The following ATP13A4 variants were observed in gnomAD, a reference collection of about 807,000 sequenced individuals.
ATP13A4 encodes probable cation-transporting ATPase 13A4.
A neutral mutation model predicts 142.5 loss-of-function variants in ATP13A4; 114 were observed. The observed-to-expected ratio is 0.80, with a 90% CI of 0.69 to 0.93. The LOEUF (loss-of-function observed/expected upper bound fraction) is 0.93. ATP13A4 is among the 40% of genes least tolerant of loss of function. The probability of loss-of-function intolerance (pLI) is 0.00; values close to 1 mark genes in which losing one functional copy is unlikely to be tolerated. For synonymous variants in ATP13A4, 488 were observed against 514.8 expected (o/e 0.95, Z 0.70); for missense variants, 1,392 against 1,454.0 (o/e 0.96, Z 0.69).
At chr3:193,414,172 T>C (rs1714926665) in intron 26 of ATP13A4, among the ~76,000 whole-genome samples, 1 of 152,216 alleles carries the variant, frequency 6.6e-6, no homozygotes, top group Admixed American at 6.5e-5. Context: ...AAATCTCTGA[T>C]AATTTGTAAG....
At chr3:193,514,150 A>G (rs988095862) in intron 2 of ATP13A4, among the ~76,000 whole-genome samples, 4 of 152,176 alleles carry the variant, frequency 2.6e-5, no homozygotes, top group Non-Finnish European at 5.9e-5. Flanking sequence ...AACTTGCTTC[A>G]TGGGGGTTTG....
chr3:193,591,688 C>T (rs1724792993), intron 1 of ATP13A4, among the ~76,000 whole-genome samples: 1 of 152,168 alleles, frequency 6.6e-6, no homozygotes, highest in South Asian at 2.1e-4. Flanking sequence ...AGAAGTAGAA[C>T]TGCAAAACAA....
upstream of ATP13A4, chr3:193,555,186 G>C: frequency 2.9e-6 from 1 of 347,460 alleles, no homozygotes; most frequent in South Asian, 2.4e-5. Flanking sequence ...AGAGTTGGCA[G>C]GACCCTTCTC....
rs563097124 is a variant in ATP13A4, at chr3:193,454,338, T to C, written c.1916-126A>G. ...ACTTCTACAAAGATATGTAAACAAG[T>C]CAGTTGAAAATTCTAAACATAACTA... On this transcript the variant is annotated intron_variant, in intron 16 of 29. Coordinates refer to ENST00000342695, the MANE Select transcript of ATP13A4 (RefSeq NM_032279.4). 18 of 735,952 alleles carry C rather than the reference T, an allele frequency of 2.4e-5. No individual in the cohort carries two copies. In the South Asian group the frequency reaches 2.7e-4, roughly 11 times the overall value. The allele number at this position is 735,952 out of a possible 1,614,324, so 45.6% of individuals were successfully genotyped here.
intron 14 of ATP13A4, among the ~76,000 whole-genome samples, 156 bp from the exon 15 acceptor site, chr3:193,457,621 GA>G (rs1182868849): frequency 6.6e-6 from 1 of 152,100 alleles, no homozygotes; most frequent in African/African-American, 2.4e-5. Context: ...TTCCGCCACA[GA>G]AAAAAAGAAT....
intron 13 of ATP13A4, among the ~76,000 whole-genome samples, chr3:193,462,026 A>AGCCTGG (rs1262084161): frequency 6.6e-6 from 1 of 152,176 alleles, no homozygotes. Context: ...GTTTGAGACC[A>AGCCTGG]GCCTGGCCAA....
At chr3:193,436,122 C>A (rs1312566842) in intron 23 of ATP13A4, among the ~76,000 whole-genome samples, 2 of 152,328 alleles carry the variant, frequency 1.3e-5, no homozygotes, top group Non-Finnish European at 2.9e-5. Context: ...GTTTCTTCAT[C>A]TGTGAACTAA....
At chr3:193,476,978 G>T (rs906052981) in intron 8 of ATP13A4, among the ~76,000 whole-genome samples, 1 of 152,008 alleles carries the variant, frequency 6.6e-6, no homozygotes, top group Non-Finnish European at 1.5e-5. Context: ...GTGACACAGA[G>T]ATATGAAGAC....
intron 25 of ATP13A4, among the ~76,000 whole-genome samples, chr3:193,428,109 C>T (rs1269203416): frequency 6.6e-6 from 1 of 152,060 alleles, no homozygotes; most frequent in East Asian, 1.9e-4. Context: ...AAACAAACAA[C>T]CCCATTAAAA....
chr3:193,475,017 A>C (rs972199350), intron 8 of ATP13A4, among the ~76,000 whole-genome samples: 5 of 152,128 alleles, frequency 3.3e-5, no homozygotes, highest in African/African-American at 1.2e-4. Flanking sequence ...CAAGGCTGCG[A>C]GGAATCAGTC....
chr3:193,533,519 G>A (rs1226230359), intron 1 of ATP13A4, among the ~76,000 whole-genome samples: 2 of 151,986 alleles, frequency 1.3e-5, no homozygotes, highest in Non-Finnish European at 2.9e-5. Flanking sequence ...TATATCCCAG[G>A]ATTAGAGCAG....
intron 1 of ATP13A4, among the ~76,000 whole-genome samples, chr3:193,546,634 T>G (rs1177276247): frequency 6.6e-6 from 1 of 152,220 alleles, no homozygotes; most frequent in Non-Finnish European, 1.5e-5. Flanking sequence ...AATGTTGGTC[T>G]CCAGCCTCCT....
chr3:193,571,278 C>CAAAAAAAA lies in ATP13A4; in HGVS notation n.291+10421_291+10428dup, dbSNP rs57432082. 6.8e-4 allele frequency among the ~76,000 whole-genome samples: 65 copies of CAAAAAAAA among 95,684 alleles called. 2 individuals carry two copies. The highest frequency in any genetic ancestry group is 8.8e-4 in the Non-Finnish European group (45 of 50,854). The allele number at this position is 95,684 out of a possible 152,430, so 62.8% of individuals were successfully genotyped here. ...TGGGTGACAAAGCAAGACCTTGTCT[C>CAAAAAAAA]AAAAAAAAAAAAAGAAATATCCATG... On this transcript the variant is annotated intron_variant and non_coding_transcript_variant, in intron 2 of 3. Coordinates refer to the ATP13A4 transcript ENST00000489140.
chr3:193,550,738 G>GT (rs1206965652), intron 1 of ATP13A4, among the ~76,000 whole-genome samples: 18 of 152,150 alleles, frequency 1.2e-4, no homozygotes, highest in African/African-American at 3.9e-4. Flanking sequence ...GAATTCAAAG[G>GT]TTTTTTTATT....
chr3:193,419,338 C>T lies in ATP13A4; in HGVS notation c.2843-4588G>A, dbSNP rs1486799210. 2.7e-5 allele frequency among the ~76,000 whole-genome samples: 4 copies of T among 150,306 alleles called. 1 individual carries two copies. In the Admixed American group the frequency reaches 2.7e-4, roughly 10 times the overall value. On this transcript the variant is annotated intron_variant, in intron 25 of 29. Transcript: ENST00000342695. ...AGCTTGAGATGACGCTGTGCACTGC[C>T]TCCTGAAGAAACAATGCCTTGGCAA...
At chr3:193,501,070 C>A (rs561927364) in intron 3 of ATP13A4, among the ~76,000 whole-genome samples, 1 of 152,298 alleles carries the variant, frequency 6.6e-6, no homozygotes, top group East Asian at 1.9e-4. Flanking sequence ...AAGACCTCTG[C>A]CCCTCCTACA....
chr3:193,560,214 C>CTT (rs527631417), intron 2 of ATP13A4, among the ~76,000 whole-genome samples: 6 of 146,982 alleles, frequency 4.1e-5, no homozygotes, highest in South Asian at 2.2e-4. Flanking sequence ...TTGCTACTCA[C>CTT]TTTTTTTTTT....
intron 2 of ATP13A4, among the ~76,000 whole-genome samples, chr3:193,512,695 T>C (rs936841229): frequency 2.6e-5 from 4 of 152,310 alleles, no homozygotes; most frequent in African/African-American, 2.4e-5. Context: ...ATTATTCTGA[T>C]GCCAGTTGAA....
At chr3:193,480,328 G>A (rs1306749661) in intron 8 of ATP13A4, among the ~76,000 whole-genome samples, 2 of 152,046 alleles carry the variant, frequency 1.3e-5, no homozygotes, top group Non-Finnish European at 2.9e-5. Context: ...ATAACCAGCA[G>A]AATAAACAGA....
Sources: gnomAD v4.1 joint callset for allele counts (sites outside exome capture counted in the v4.1 genomes callset) on GRCh38, gnomAD v4.1.1 for gene constraint, MANE v1.5 for transcripts, NCBI Gene and HGNC (gene_info 2026-07-23, HGNC 2026-07-21) for gene names.